Variants in PLEC observed in about 807,000 individuals in gnomAD.
The protein encoded by PLEC is hemidesmosomal protein 1.
A neutral mutation model predicts 392.8 loss-of-function variants in PLEC; 216 were observed. The ratio of observed to expected loss-of-function variants is 0.55; its 90% CI spans 0.49 to 0.62. The LOEUF (loss-of-function observed/expected upper bound fraction) is 0.62. Among genes scored for constraint, PLEC ranks in the 20% least tolerant of loss-of-function variants. The probability of loss-of-function intolerance (pLI) is 0.00; values close to 1 mark genes in which losing one functional copy is unlikely to be tolerated. For synonymous variants in PLEC, 3,621 were observed against 2,980.6 expected (o/e 1.21, Z -7.00); for missense variants, 6,863 against 6,563.4 (o/e 1.05, Z -1.58).
At position 143,920,271 on chromosome 8, in the gene PLEC, G is replaced by A. The variant is rs782221033; in HGVS notation, c.9550C>T (p.Pro3184Ser). 1.3e-6 allele frequency: 2 copies of A among 1,596,062 alleles called. No individual in the cohort carries two copies. Among genetic ancestry groups the A allele is most frequent in the Non-Finnish European group, 1.7e-6 (2 of 1,176,942 alleles). The change falls in exon 32 of 32, where the codon CCC (proline) becomes TCC (serine). Residue 3184 changes from proline (P) to serine (S), a missense_variant. Physicochemically the swap from Pro to Ser is moderately conservative, Grantham distance 74. Transcript: ENST00000345136. ...PRADAKAYSD[P>S]STGEPATYGE... is the part of the protein sequence containing the mutation. ...TAGGTGGCCGGCTCCCCTGTGCTGG[G>A]GTCACTGTAGGCCTTGGCGTCGGCC... is the stretch of plus-strand genomic sequence containing the variant.
At chr8:143,950,670 G>A (rs200295819) in exon 1 of PLEC, 55 of 1,577,700 alleles carry the variant, frequency 3.5e-5, no homozygotes, top group East Asian at 2.7e-4. Flanking sequence ...TAGATGGCCC[G>A]CAGCTGGTCC....
In PLEC at chr8:143,925,163, G is replaced by A. The variant is rs781834088; in HGVS notation, c.4766C>T (p.Thr1589Met). The change falls in exon 31 of 32, where the codon ACG becomes ATG. Residue 1589 changes from threonine (T) to methionine (M), a missense_variant. Transcript: ENST00000345136. ...CTGCAGGGAGCGCTCCAGCTGTGCC[G>A]TCTTCTCGGCGAAGGAGGCGCGTTT... is the stretch of plus-strand genomic sequence containing the variant. ...QSKRASFAEK[T>M]AQLERSLQEE... 1.2e-5 allele frequency: 18 copies of A among 1,560,222 alleles called. No individual in the cohort carries two copies. Among genetic ancestry groups the A allele is most frequent in the Admixed American group, 3.6e-5 (2 of 55,066 alleles).
chr8:143,934,699 T>C lies in PLEC; in HGVS notation c.977A>G (p.Glu326Gly). Residue 326 changes from glutamate to glycine, a missense_variant, in exon 10 of 32, where the codon GAG (glutamate) becomes GGG (glycine). By Grantham distance (98) the Glu-to-Gly change is moderately conservative (BLOSUM62 -2). Coordinates refer to ENST00000345136, the MANE Select transcript of PLEC (RefSeq NM_201384.3). ...ILWSQFLKFK[E>G]MELPAKEADK... is the part of the protein sequence containing the mutation. ...GGCCTCCTTGGCTGGTAGCTCCATC[T>C]CCTTAAACTTCAGGAACTGAGACCA... 6.2e-7 allele frequency: 1 copy of C among 1,612,816 alleles called. No homozygotes were observed. The highest frequency in any genetic ancestry group is 1.1e-5 in the South Asian group (1 of 91,086).
At position 143,919,561 on chromosome 8, in the gene PLEC, G is replaced by C; in HGVS notation, c.10260C>G (p.Pro3420=). The change falls in exon 32 of 32, where the codon CCC becomes CCG. Residue 3420 remains proline (P), a synonymous_variant. Coordinates refer to ENST00000345136, the MANE Select transcript of PLEC (RefSeq NM_201384.3). ...HEAVKAGVVG[P]ELHEQLLSAE... The stretch of plus-strand genomic sequence containing the variant: ...CAGACAGCAGCTGCTCGTGAAGCTC[G>C]GGGCCCACCACGCCCGCCTTCACGG... 1 of 1,607,712 alleles carries C rather than the reference G, an allele frequency of 6.2e-7. No individual in the cohort carries two copies. The highest frequency in any genetic ancestry group is 8.5e-7 in the Non-Finnish European group (1 of 1,178,342).
In PLEC at chr8:143,924,480, G is replaced by T; in HGVS notation, c.5449C>A (p.Arg1817=). 6.5e-7 allele frequency: 1 copy of T among 1,540,510 alleles called. No homozygotes were observed. Among genetic ancestry groups the T allele is most frequent in the Non-Finnish European group, 8.7e-7 (1 of 1,152,088 alleles). The change falls in exon 31 of 32, where the codon CGG becomes AGG. Residue 1817 remains arginine (R), a synonymous_variant. Coordinates refer to ENST00000345136, the MANE Select transcript of PLEC (RefSeq NM_201384.3). ...RALAEEAKRQ[R]QLAEEDAARQ... ...GCCGCGTCTTCCTCGGCCAGCTGCC[G>T]CTGCCGCTTGGCCTCTTCCGCCAGG...
At chr8:143,953,668 G>A (rs1221086065), upstream of PLEC, 6 of 1,560,704 alleles carry the variant, frequency 3.8e-6, no homozygotes, top group Non-Finnish European at 5.3e-6. Flanking sequence ...ACTGCACCCA[G>A]CCAGAGGTCA....
In PLEC at chr8:143,917,110, C is replaced by T. The variant is rs548342396; in HGVS notation, c.12711G>A (p.Ser4237=). 102 of 1,604,606 alleles carry T rather than the reference C, an allele frequency of 6.4e-5. 1 individual carries two copies. The highest frequency in any genetic ancestry group is 4.7e-4 in the South Asian group (43 of 90,968). The change falls in exon 32 of 32, where the codon TCG becomes TCA. Residue 4237 remains serine (S), a synonymous_variant. Coordinates refer to ENST00000345136, the MANE Select transcript of PLEC (RefSeq NM_201384.3). ...GGGAGCGGAAACCACCGGCGTTGCC[C>T]GAGAGCATGTCGGCGAACTCGGTGA... is the stretch of plus-strand genomic sequence containing the variant. ...LSITEFADML[S]GNAGGFRSRS...
At chr8:143,975,364 C>G, upstream of PLEC, 1 of 1,608,294 alleles carries the variant, frequency 6.2e-7, no homozygotes, top group Non-Finnish European at 8.5e-7. This position sits in a 1 kb window ranked among gnomAD's most constrained non-coding sequence, Gnocchi z 9.9. Context: ...CGTCCTCACC[C>G]GACATGGCCT....
At chr8:143,940,450 T>TG (rs1244277449), upstream of PLEC, among the ~76,000 whole-genome samples, 2 of 151,612 alleles carry the variant, frequency 1.3e-5, no homozygotes, top group Non-Finnish European at 2.9e-5. Context: ...ACCCCAGGGG[T>TG]GGGGGGTGCT....
chr8:143,953,574 G>A (rs936446193), upstream of PLEC: 97 of 854,180 alleles, frequency 1.1e-4, no homozygotes, highest in African/African-American at 1.3e-3. Flanking sequence ...GGAGGGGGAC[G>A]AGTCTGGGGT....
chr8:143,928,059 C>T (rs1825884359), intron 25 of PLEC, 67 bp from the exon 26 acceptor site: 1 of 1,512,230 alleles, frequency 6.6e-7, no homozygotes, highest in Admixed American at 2.0e-5. Context: ...GAATGGAACC[C>T]AAGCCACAGC....
chr8:143,918,691 G>A lies in PLEC; in HGVS notation c.11130C>T (p.Leu3710=), dbSNP rs782575212. The change falls in exon 32 of 32, where the codon CTC becomes CTT. Residue 3710 remains leucine (L), a synonymous_variant. Coordinates refer to ENST00000345136, the MANE Select transcript of PLEC (RefSeq NM_201384.3). The part of the protein sequence containing the change: ...SRQTLSIYQA[L]KKGLLSAEVA... Reference sequence around the variant, plus strand: ...CCTCGGCACTCAGCAGCCCTTTCTTGAGAGCCTGGTAGATGCTCAGTGTCT... The same window carrying A: ...CCTCGGCACTCAGCAGCCCTTTCTTAAGAGCCTGGTAGATGCTCAGTGTCT... 7.4e-6 allele frequency: 12 copies of A among 1,612,798 alleles called. No individual in the cohort carries two copies. The East Asian group carries it at 1.8e-4, about 24-fold the overall frequency.
intron 1 of PLEC, among the ~76,000 whole-genome samples, chr8:143,949,421 T>C (rs1402475542): frequency 6.6e-6 from 1 of 152,068 alleles, no homozygotes; most frequent in East Asian, 1.9e-4. Context: ...GTCCTGCTGG[T>C]ACAGGTGCTT....
At position 143,949,094 on chromosome 8, in the gene PLEC, C is replaced by T. The variant is rs184351879; in HGVS notation, c.523+1090G>A. Among the ~76,000 whole-genome samples the T allele has an allele frequency of 1.3e-3, 200 of 152,350 alleles. 7 individuals are homozygous for T. In the East Asian group the frequency reaches 0.032, roughly 24 times the overall value. The stretch of plus-strand genomic sequence containing the variant: ...TCCCAGATGGGCCCAAGGCAAGCCC[C>T]TAACAAGTCCAACTCACCCCAGGCC... On this transcript the variant is annotated intron_variant, in intron 1 of 31. Coordinates refer to the PLEC transcript ENST00000322810.
At chr8:143,949,502 C>A (rs936812559) in intron 1 of PLEC, among the ~76,000 whole-genome samples, 1 of 152,154 alleles carries the variant, frequency 6.6e-6, no homozygotes, top group East Asian at 1.9e-4. Context: ...TGACAGGACC[C>A]GTCCTGTCCT....
rs782041615 is a variant in PLEC, at chr8:143,927,997, C to T, written c.3261-5G>A. The T allele has an allele frequency of 2.4e-5, 38 of 1,588,926 alleles. 1 individual carries two copies. The highest frequency in any genetic ancestry group is 1.1e-4 in the South Asian group (10 of 90,222). Reference sequence around the variant, plus strand: ...ACCAGGCTGATGGTCTTGAGCCTGGCGGGAAAGCGGGGCTCAGGGCCATGA... The same window carrying T: ...ACCAGGCTGATGGTCTTGAGCCTGGTGGGAAAGCGGGGCTCAGGGCCATGA... On this transcript the variant is annotated splice_region_variant and splice_polypyrimidine_tract_variant and intron_variant, in intron 25 of 31. Transcript: ENST00000345136.
chr8:143,953,308 C>G (rs1044723380), upstream of PLEC, among the ~76,000 whole-genome samples: 1 of 148,874 alleles, frequency 6.7e-6, no homozygotes, highest in Non-Finnish European at 1.5e-5. Context: ...TCAGGGCCAG[C>G]CGGCCCGGCG....
chr8:143,960,231 G>A (rs1463090480), intron 1 of PLEC, among the ~76,000 whole-genome samples: 5 of 151,908 alleles, frequency 3.3e-5, no homozygotes, highest in Middle Eastern at 6.3e-3. Context: ...GCAGTGAGCC[G>A]AGATCATGCC....
Position 143,929,685 on chromosome 8 carries a change from T to G in PLEC, c.2884A>C (p.Ser962Arg). ...LMAEREYGSCSHHYQQLLQSL... is the reference protein window; with the variant it reads ...LMAEREYGSCRHHYQQLLQSL... ...TGCAGCAGCTGCTGGTAGTGGTGGC[T>G]GCAGGAGCCGTACTCGCGCTCAGCC... Residue 962 changes from serine (S) to arginine (R), a missense_variant, in exon 23 of 32, where the codon AGC (serine) becomes CGC (arginine). Ser to Arg is a moderately radical substitution (Grantham distance 110, BLOSUM62 -1). Coordinates refer to ENST00000345136, the MANE Select transcript of PLEC (RefSeq NM_201384.3). 6.3e-7 allele frequency: 1 copy of G among 1,599,334 alleles called. No homozygotes were observed. The highest frequency in any genetic ancestry group is 8.5e-7 in the Non-Finnish European group (1 of 1,178,976).
Sources: gnomAD v4.1 joint callset for allele counts (sites outside exome capture counted in the v4.1 genomes callset) on GRCh38, gnomAD v4.1.1 for gene constraint, Gnocchi (gnomAD v3.1) non-coding constraint, MANE v1.5 for transcripts, NCBI Gene and HGNC (gene_info 2026-07-23, HGNC 2026-07-21) for gene names.